VWA3B: variants seen among roughly 807,000 people sequenced by gnomAD.
VWA3B encodes von Willebrand factor A domain-containing protein 3B.
Under a neutral mutation model 158.3 loss-of-function variants are expected in VWA3B, and 138 were observed. The observed-to-expected ratio is 0.87, with a 90% confidence interval of 0.76 to 1.00. The LOEUF (loss-of-function observed/expected upper bound fraction) is 1.00, where lower values mean the gene tolerates loss of function less well. Ranked by LOEUF, VWA3B falls within the 50% of genes least tolerant of loss-of-function variation. The pLI is 0.00. For missense variants in VWA3B, 1,555 were observed against 1,565.1 expected (o/e 0.99, Z 0.11); for synonymous variants, 596 against 587.3 (o/e 1.01, Z -0.21).
chr2:98,266,023 T>C (rs1310087646), intron 21 of VWA3B, among the ~76,000 whole-genome samples: 5 of 147,868 alleles, frequency 3.4e-5, no homozygotes, highest in Non-Finnish European at 6.0e-5. Context: ...TAGTTTCTTT[T>C]GCTGTGCAGA....
chr2:98,205,797 C>T (rs1682968140), intron 12 of VWA3B, among the ~76,000 whole-genome samples: 1 of 152,128 alleles, frequency 6.6e-6, no homozygotes, highest in South Asian at 2.1e-4. Context: ...TTATTCAAAG[C>T]ATGTTTTAAA....
rs1024178951 is a variant in VWA3B at position 98,270,529 on chromosome 2, G to A, written c.2844-153G>A. On this transcript the variant is annotated intron_variant, in intron 21 of 27. Transcript: ENST00000477737. ...CTGATAGAGCAGAGGGCATGGCTAT[G>A]ATGCTGTCATCTGACACCTGACACT... 2.0e-5 allele frequency among the ~76,000 whole-genome samples: 3 copies of A among 152,222 alleles called. No individual in the cohort carries two copies. The East Asian group carries it at 5.8e-4, about 29-fold the overall frequency.
intron 3 of VWA3B, 34 bp downstream of exon 3, chr2:98,115,780 G>C (rs1674487710): frequency 1.3e-6 from 2 of 1,546,762 alleles, no homozygotes; most frequent in African/African-American, 1.4e-5. Flanking sequence ...GCAGTCCTGT[G>C]ACATGGTGCT....
chr2:98,216,982 A>ACCCCC (rs139373261), intron 13 of VWA3B: 44,217 of 1,197,668 alleles, frequency 0.037, 750 homozygotes, highest in African/African-American at 0.077. Context: ...CATTGTAAGC[A>ACCCCC]CCCGCCCCGC....
At chr2:98,128,732 T>C (rs1000682166) in intron 6 of VWA3B, among the ~76,000 whole-genome samples, 1 of 152,244 alleles carries the variant, frequency 6.6e-6, no homozygotes, top group Non-Finnish European at 1.5e-5. Context: ...GAGCCCACAC[T>C]GCCAATCCAG....
intron 23 of VWA3B, among the ~76,000 whole-genome samples, chr2:98,292,861 G>T (rs1689579286): frequency 6.6e-6 from 1 of 152,062 alleles, no homozygotes; most frequent in African/African-American, 2.4e-5. Context: ...CTACTCGGGA[G>T]GCTGAGGCAG....
chr2:98,244,709 T>G (rs898465966), intron 19 of VWA3B, among the ~76,000 whole-genome samples: 3 of 152,190 alleles, frequency 2.0e-5, no homozygotes, highest in Admixed American at 6.5e-5. Context: ...TTATAAAGTT[T>G]TATGAAGAGG....
intron 19 of VWA3B, among the ~76,000 whole-genome samples, chr2:98,241,962 T>A (rs1183232628): frequency 6.6e-6 from 1 of 152,126 alleles, no homozygotes; most frequent in Non-Finnish European, 1.5e-5. Context: ...ATGGAAAGAA[T>A]AACAAAATAA....
chr2:98,092,495 T>C (rs1329606057), intron 1 of VWA3B, among the ~76,000 whole-genome samples: 1 of 151,866 alleles, frequency 6.6e-6, no homozygotes, highest in Non-Finnish European at 1.5e-5. Context: ...ATACAAAAAT[T>C]AGCTGGGCAT....
chr2:98,100,664 G>A (rs1373115062), intron 2 of VWA3B, among the ~76,000 whole-genome samples: 1 of 152,150 alleles, frequency 6.6e-6, no homozygotes, highest in Non-Finnish European at 1.5e-5. Flanking sequence ...TGCAGTCAAG[G>A]GCCATGTGGA....
rs1038532972 is a variant in VWA3B, at chr2:98,294,458, G to A, written c.3158-3449G>A. ...CAGACTGGCTGTTGCCACTGTTGTCGGGATTGTGGTGGGGATTTCCCTGTG... is the reference window on the plus strand; with the variant it reads ...CAGACTGGCTGTTGCCACTGTTGTCAGGATTGTGGTGGGGATTTCCCTGTG... On this transcript the variant is annotated intron_variant, in intron 23 of 27. Coordinates refer to ENST00000477737, the MANE Select transcript of VWA3B (RefSeq NM_144992.5). Among the ~76,000 whole-genome samples the A allele has an allele frequency of 5.3e-5, 8 of 152,356 alleles. No individual in the cohort carries two copies. The East Asian group carries it at 7.7e-4, about 15-fold the overall frequency.
intron 21 of VWA3B, among the ~76,000 whole-genome samples, chr2:98,263,369 T>C (rs1213313266): frequency 6.6e-6 from 1 of 151,934 alleles, no homozygotes; most frequent in African/African-American, 2.4e-5. Context: ...TCTTTCATTA[T>C]TAAGTACAAT....
chr2:98,154,466 C>T (rs1327791493), intron 7 of VWA3B, among the ~76,000 whole-genome samples: 4 of 152,292 alleles, frequency 2.6e-5, no homozygotes, highest in South Asian at 2.1e-4. Context: ...TTGCAGATCT[C>T]GTTTTCCCAA....
chr2:98,123,551 G>T (rs1252778317), intron 5 of VWA3B, among the ~76,000 whole-genome samples: 1 of 152,242 alleles, frequency 6.6e-6, no homozygotes, highest in Admixed American at 6.5e-5. Context: ...CACATGCAGA[G>T]TGGGAGGTCT....
chr2:98,214,256 C>A (rs529901073), intron 13 of VWA3B, among the ~76,000 whole-genome samples: 2 of 151,380 alleles, frequency 1.3e-5, no homozygotes, highest in Admixed American at 6.6e-5. Flanking sequence ...AAATTTGAAT[C>A]ACTCATAATT....
At chr2:98,224,382 C>T (rs1684750595) in intron 14 of VWA3B, among the ~76,000 whole-genome samples, 1 of 152,076 alleles carries the variant, frequency 6.6e-6, no homozygotes, top group South Asian at 2.1e-4. Context: ...TCACCTAACA[C>T]TGAAGACAAT....
At chr2:98,322,427 A>T in the VWA3B span, among the ~76,000 whole-genome samples, 2 of 152,224 alleles carry the variant, frequency 1.3e-5, no homozygotes, top group African/African-American at 4.8e-5. Context: ...AACGCTCAGC[A>T]TCAAGAAACT....
chr2:98,224,929 G>A (rs1684794957), intron 14 of VWA3B, among the ~76,000 whole-genome samples: 1 of 152,046 alleles, frequency 6.6e-6, no homozygotes, highest in South Asian at 2.1e-4. Context: ...TATGATCAAG[G>A]GGGACTTACT....
chr2:98,152,235 C>T (rs994705938), intron 7 of VWA3B, among the ~76,000 whole-genome samples: 3 of 152,188 alleles, frequency 2.0e-5, no homozygotes, highest in African/African-American at 4.8e-5. Flanking sequence ...TCACCTACTT[C>T]TCTGTTGTCA....
Sources: allele counts gnomAD v4.1 joint callset (sites outside exome capture counted in the v4.1 genomes callset), GRCh38; gene constraint gnomAD v4.1.1; transcripts MANE v1.5; gene names NCBI Gene and HGNC (gene_info 2026-07-23, HGNC 2026-07-21).